The following OPRD1 variants were observed in gnomAD, a reference collection of about 807,000 sequenced individuals.
OPRD1 encodes the protein delta-type opioid receptor.
OPRD1 carries 19 observed loss-of-function variants against 17.5 expected under a neutral mutation model. The observed-to-expected ratio is 1.09, with a 90% CI of 0.76 to 1.60. The LOEUF (loss-of-function observed/expected upper bound fraction) is 1.60, where lower values mean the gene tolerates loss of function less well. OPRD1 is among the 40% of genes most tolerant of loss of function. The pLI, the probability that OPRD1 is intolerant of heterozygous loss-of-function variation, is 0.00. For synonymous variants in OPRD1, 256 were observed against 240.9 expected (o/e 1.06, Z -0.58); for missense variants, 483 against 547.2 (o/e 0.88, Z 1.17).
At chr1:28,856,117 G>A (rs2089057096) in intron 1 of OPRD1, among the ~76,000 whole-genome samples, 1 of 152,220 alleles carries the variant, frequency 6.6e-6, no homozygotes, top group African/African-American at 2.4e-5. Flanking sequence ...ACAGTATGGG[G>A]CCACCCTTGG....
intron 1 of OPRD1, among the ~76,000 whole-genome samples, chr1:28,815,262 C>A (rs944944025): frequency 6.6e-6 from 1 of 152,186 alleles, no homozygotes; most frequent in Non-Finnish European, 1.5e-5. Context: ...TACAGGCACA[C>A]GCCATGCTAA....
At chr1:28,850,662 G>A (rs1309368383) in intron 1 of OPRD1, among the ~76,000 whole-genome samples, 2 of 151,672 alleles carry the variant, frequency 1.3e-5, no homozygotes, top group East Asian at 1.9e-4. Flanking sequence ...GTGCACCTGC[G>A]ACCCCAGCTA....
At chr1:28,813,938 G>T (rs1356991321) in intron 1 of OPRD1, among the ~76,000 whole-genome samples, 1 of 152,194 alleles carries the variant, frequency 6.6e-6, no homozygotes, top group Non-Finnish European at 1.5e-5. Context: ...ATGAATTCCA[G>T]GGTATGGGGT....
At chr1:28,833,964 C>T (rs1027339028) in intron 1 of OPRD1, among the ~76,000 whole-genome samples, 14 of 152,102 alleles carry the variant, frequency 9.2e-5, no homozygotes, top group Admixed American at 4.6e-4. Context: ...CAGGCTGGAG[C>T]GCAGTGGTGT....
At chr1:28,823,383 GTTTGTTTA>G (rs1378239507) in intron 1 of OPRD1, among the ~76,000 whole-genome samples, 1 of 139,626 alleles carries the variant, frequency 7.2e-6, no homozygotes, top group Non-Finnish European at 1.5e-5. Context: ...AATTTTATTT[GTTTGTTTA>G]TTTATTTATT....
chr1:28,866,149 G>A lies in OPRD1; in HGVS notation c.*2866G>A, dbSNP rs1208446949. 6.6e-6 allele frequency: 1 copy of A among 152,262 alleles called. No homozygotes were observed. The highest frequency in any genetic ancestry group is 6.5e-5 in the Admixed American group (1 of 15,278). The allele number at this position is 152,262 out of a possible 1,614,324, so 9.4% of individuals were successfully genotyped here. A position where few individuals can be genotyped will look rare whatever the true frequency, so the allele number is the denominator to read the frequency against. Reference sequence around the variant, plus strand: ...TCAGCCTTGGCCCTGCCCTCAGAAAGCCTGAGCCAGTGTTGGGAGATAAAG... The same window carrying A: ...TCAGCCTTGGCCCTGCCCTCAGAAAACCTGAGCCAGTGTTGGGAGATAAAG... On this transcript the variant is annotated 3_prime_UTR_variant, in exon 3 of 3. Transcript: ENST00000234961.
At chr1:28,824,668 G>GAT (rs1229028093) in intron 1 of OPRD1, among the ~76,000 whole-genome samples, 11 of 151,906 alleles carry the variant, frequency 7.2e-5, no homozygotes, top group Non-Finnish European at 1.3e-4. Context: ...CCTGCCTAGA[G>GAT]ATGTATATAT....
In OPRD1 at chr1:28,823,218, A is replaced by G. The variant is rs1291207446; in HGVS notation, c.227+10608A>G. ...TTTTTTTTTTTTTTTTTTTTTTGACATGGAGCCTCACTTTATCACCCAGGC... is the reference window on the plus strand; with the variant it reads ...TTTTTTTTTTTTTTTTTTTTTTGACGTGGAGCCTCACTTTATCACCCAGGC... On this transcript the variant is annotated intron_variant, in intron 1 of 2. Transcript: ENST00000234961. 3.3e-5 allele frequency among the ~76,000 whole-genome samples: 4 copies of G among 122,444 alleles called. No individual in the cohort carries two copies. The South Asian group carries it at 7.5e-4, about 23-fold the overall frequency. 80.3% of individuals were successfully genotyped at this position (122,444 alleles called of 152,430 possible).
intron 1 of OPRD1, among the ~76,000 whole-genome samples, chr1:28,847,115 G>A (rs1002756196): frequency 4.6e-5 from 7 of 150,826 alleles, no homozygotes; most frequent in Non-Finnish European, 8.8e-5. Context: ...TCAGTGGCGC[G>A]ATCTCAGCTC....
At chr1:28,812,671 A>G in intron 1 of OPRD1, 61 bp downstream of exon 1, 1 of 1,355,090 alleles carries the variant, frequency 7.4e-7, no homozygotes, top group East Asian at 3.0e-5. Context: ...GGGGATCACG[A>G]ACTTGAGACC....
chr1:28,827,359 C>T (rs1445623856), intron 1 of OPRD1, among the ~76,000 whole-genome samples: 1 of 152,196 alleles, frequency 6.6e-6, no homozygotes, highest in Non-Finnish European at 1.5e-5. Flanking sequence ...CACTGTGTTG[C>T]CCAGGCTGGA....
intron 1 of OPRD1, among the ~76,000 whole-genome samples, chr1:28,855,807 T>A (rs1478721825): frequency 1.3e-5 from 2 of 152,216 alleles, no homozygotes; most frequent in East Asian, 3.9e-4. Context: ...CACACAGCTG[T>A]GATCCCACAC....
chr1:28,861,435 A>G (rs1202824085), intron 2 of OPRD1, among the ~76,000 whole-genome samples: 1 of 151,986 alleles, frequency 6.6e-6, no homozygotes, highest in African/African-American at 2.4e-5. Flanking sequence ...GAAGGAAGGA[A>G]GTTTTGTTTT....
chr1:28,814,629 GCTGA>G (rs1404583367), intron 1 of OPRD1, among the ~76,000 whole-genome samples: 8 of 152,170 alleles, frequency 5.3e-5, no homozygotes, highest in African/African-American at 1.9e-4. Context: ...TGGCTGGTTG[GCTGA>G]CTGAGCACAG....
At chr1:28,848,173 TG>T (rs1390707168) in intron 1 of OPRD1, among the ~76,000 whole-genome samples, 1 of 151,826 alleles carries the variant, frequency 6.6e-6, no homozygotes, top group Admixed American at 6.6e-5. Flanking sequence ...CGCTTGAACC[TG>T]GGAGGCGGAG....
At position 28,836,602 on chromosome 1, in the gene OPRD1, C is replaced by T. The variant is rs375362962; in HGVS notation, c.228-22352C>T. Among the ~76,000 whole-genome samples the T allele has an allele frequency of 3.6e-3, 554 of 152,222 alleles. 4 individuals are homozygous for T. Among genetic ancestry groups the T allele is most frequent in the South Asian group, 0.021 (103 of 4,820 alleles). ...TGGGCTGTGCTCCCTCCGAAGGCTC[C>T]GTGGAAGAACGCCTGCTGGCCCGGC... is the stretch of plus-strand genomic sequence containing the variant. On this transcript the variant is annotated intron_variant, in intron 1 of 2. Coordinates refer to ENST00000234961, the MANE Select transcript of OPRD1 (RefSeq NM_000911.4).
At chr1:28,860,419 C>T (rs1367942323) in intron 2 of OPRD1, among the ~76,000 whole-genome samples, 1 of 151,792 alleles carries the variant, frequency 6.6e-6, no homozygotes, top group Non-Finnish European at 1.5e-5. Context: ...GGTCACATGG[C>T]CCCACCTTAA....
intron 1 of OPRD1, among the ~76,000 whole-genome samples, chr1:28,846,454 G>T (rs1031309772): frequency 6.6e-6 from 1 of 151,904 alleles, no homozygotes; most frequent in African/African-American, 2.4e-5. Flanking sequence ...GAGCAAACTC[G>T]GGCAGATCAC....
At chr1:28,855,048 G>A (rs1414042525) in intron 1 of OPRD1, among the ~76,000 whole-genome samples, 59 of 152,120 alleles carry the variant, frequency 3.9e-4, no homozygotes, top group Admixed American at 3.7e-3. Flanking sequence ...TTACATGGGC[G>A]AGAGACCCAA....
Sources: gnomAD v4.1 joint callset for allele counts (sites outside exome capture counted in the v4.1 genomes callset) on GRCh38, gnomAD v4.1.1 for gene constraint, MANE v1.5 for transcripts, NCBI Gene and HGNC (gene_info 2026-07-23, HGNC 2026-07-21) for gene names.